The following SUCLG2 variants were observed in gnomAD, a reference collection of about 807,000 sequenced individuals.
SUCLG2 encodes the protein succinate--CoA ligase [GDP-forming] subunit beta, mitochondrial.
A neutral mutation model predicts 47.9 loss-of-function variants in SUCLG2; 42 were observed. That is an observed-to-expected ratio of 0.88 (90% CI 0.69 to 1.14). The LOEUF is 1.14. Ranked by LOEUF, SUCLG2 falls within the 50% of genes most tolerant of loss-of-function variation. The pLI is 0.00. For synonymous variants in SUCLG2, 195 were observed against 197.3 expected, an observed-to-expected ratio of 0.99 and a Z score of 0.10; for missense variants, 571 against 525.9, an observed-to-expected ratio of 1.09 and a Z score of -0.84.
chr3:67,556,089 T>C (rs377341428), intron 2 of SUCLG2, among the ~76,000 whole-genome samples: 1 of 152,188 alleles, frequency 6.6e-6, no homozygotes, highest in African/African-American at 2.4e-5. Context: ...AGACCTGACT[T>C]TTTTTTAAAA....
At chr3:67,406,430 T>C (rs1489084046) in intron 9 of SUCLG2, among the ~76,000 whole-genome samples, 1 of 152,060 alleles carries the variant, frequency 6.6e-6, no homozygotes, top group African/African-American at 2.4e-5. Flanking sequence ...CCTATGTGAG[T>C]AGCAGGACAG....
intron 2 of SUCLG2, among the ~76,000 whole-genome samples, chr3:67,572,143 C>T (rs1576398): frequency 0.45 from 69,149 of 152,004 alleles, 16,623 homozygotes; most frequent in Admixed American, 0.54. Flanking sequence ...AGGTCAAATG[C>T]CTATCTATGC....
chr3:67,456,239 C>A (rs1042320504), intron 9 of SUCLG2, among the ~76,000 whole-genome samples: 1 of 152,192 alleles, frequency 6.6e-6, no homozygotes, highest in Non-Finnish European at 1.5e-5. Flanking sequence ...GCATAGGACT[C>A]TCTTCCTTTA....
intron 9 of SUCLG2, among the ~76,000 whole-genome samples, chr3:67,462,407 G>A (rs997211218): frequency 2.7e-4 from 41 of 152,182 alleles, no homozygotes; most frequent in African/African-American, 9.4e-4. Flanking sequence ...CAGTCTACTA[G>A]CATTAGATCA....
intron 10 of SUCLG2, among the ~76,000 whole-genome samples, chr3:67,363,648 A>G (rs944084054): frequency 6.6e-6 from 1 of 152,318 alleles, no homozygotes; most frequent in Non-Finnish European, 1.5e-5. Context: ...GTTCTGAGAG[A>G]TTTTTATTTC....
rs533577841 is a variant in SUCLG2 at position 67,398,051 on chromosome 3, T to C, written c.1183+2680A>G. ...GGATTAAAGACTTAAATGTTAGAAC[T>C]AAAACCATAAAAACCCTAGAAGAAA... On this transcript the variant is annotated intron_variant, in intron 10 of 10. Coordinates refer to ENST00000307227, the MANE Select transcript of SUCLG2 (RefSeq NM_003848.4). 2.0e-4 allele frequency among the ~76,000 whole-genome samples: 30 copies of C among 150,388 alleles called. 3 individuals carry two copies. Among genetic ancestry groups the C allele is most frequent in the Non-Finnish European group, 3.1e-4 (21 of 67,428 alleles).
chr3:67,376,017 G>C, intron 10 of SUCLG2, 158 bp from the exon 11 acceptor site: 1 of 985,470 alleles, frequency 1.0e-6, no homozygotes. Context: ...AAGATTATGT[G>C]ATGAAATTTA....
intron 2 of SUCLG2, among the ~76,000 whole-genome samples, chr3:67,559,443 G>A (rs1474564067): frequency 1.3e-5 from 2 of 152,130 alleles, no homozygotes; most frequent in African/African-American, 4.8e-5. Context: ...AGGAGAGAGA[G>A]ATAGCACAAG....
chr3:67,631,018 A>G (rs921507438), intron 1 of SUCLG2, among the ~76,000 whole-genome samples: 4 of 152,190 alleles, frequency 2.6e-5, no homozygotes, highest in African/African-American at 9.7e-5. Flanking sequence ...AAGAAGACCA[A>G]TGTCCTATAA....
At chr3:67,400,123 TA>T (rs1218479476) in intron 10 of SUCLG2, among the ~76,000 whole-genome samples, 1 of 152,170 alleles carries the variant, frequency 6.6e-6, no homozygotes, top group Non-Finnish European at 1.5e-5. Flanking sequence ...AAACATGTTA[TA>T]ACATTTTATG....
chr3:67,598,554 T>G (rs1188188502), intron 2 of SUCLG2, among the ~76,000 whole-genome samples: 1 of 152,168 alleles, frequency 6.6e-6, no homozygotes, highest in African/African-American at 2.4e-5. Flanking sequence ...TGTCCAGATT[T>G]ACAGAAACAC....
At chr3:67,408,498 T>C (rs1329678117) in intron 9 of SUCLG2, 8 of 493,586 alleles carry the variant, frequency 1.6e-5, no homozygotes, top group Non-Finnish European at 2.1e-5. Context: ...TCTGAACTGA[T>C]AGCATGGAAA....
chr3:67,645,149 T>G (rs1434121994), intron 1 of SUCLG2, among the ~76,000 whole-genome samples: 1 of 152,006 alleles, frequency 6.6e-6, no homozygotes. Flanking sequence ...ATAAAGAAAA[T>G]TTAGTATTTT....
chr3:67,382,059 G>A (rs1421796234), intron 10 of SUCLG2, among the ~76,000 whole-genome samples: 2 of 152,158 alleles, frequency 1.3e-5, no homozygotes, highest in African/African-American at 4.8e-5. Flanking sequence ...GAAATATGTA[G>A]AAACTGTAAT....
chr3:67,439,678 G>A (rs1448720244), intron 9 of SUCLG2, among the ~76,000 whole-genome samples: 1 of 152,186 alleles, frequency 6.6e-6, no homozygotes, highest in Non-Finnish European at 1.5e-5. Context: ...TAAAAGGGAT[G>A]TGAAGGACCT....
intron 10 of SUCLG2, among the ~76,000 whole-genome samples, chr3:67,397,769 A>G (rs1024291647): frequency 6.6e-6 from 1 of 152,232 alleles, no homozygotes; most frequent in Non-Finnish European, 1.5e-5. Flanking sequence ...AGTTGAAACT[A>G]TACTACAAGG....
intron 2 of SUCLG2, among the ~76,000 whole-genome samples, chr3:67,572,958 C>A (rs955732411): frequency 9.2e-5 from 14 of 151,802 alleles, no homozygotes; most frequent in African/African-American, 3.1e-4. Flanking sequence ...CATGAATAAA[C>A]AAGAAAAGGA....
chr3:67,638,912 G>C (rs1210575839), intron 1 of SUCLG2, among the ~76,000 whole-genome samples: 1 of 152,150 alleles, frequency 6.6e-6, no homozygotes, highest in Non-Finnish European at 1.5e-5. Context: ...TGATAACCTA[G>C]AGGAAGTCTA....
In SUCLG2 at chr3:67,394,813, C is replaced by T. The variant is rs1299640056; in HGVS notation, c.1183+5918G>A. Among the ~76,000 whole-genome samples, 14 of 152,000 alleles carry T rather than the reference C, an allele frequency of 9.2e-5. No homozygotes were observed. The East Asian group carries it at 1.2e-3, about 13-fold the overall frequency. Reference sequence around the variant, plus strand: ...CACAAAGGGAAGCCCATCAGACTAACAGCGGATCTCTCGGCAGAAACTCTA... The same window carrying T: ...CACAAAGGGAAGCCCATCAGACTAATAGCGGATCTCTCGGCAGAAACTCTA... On this transcript the variant is annotated intron_variant, in intron 10 of 10. Transcript: ENST00000307227.
Sources: allele counts gnomAD v4.1 joint callset (sites outside exome capture counted in the v4.1 genomes callset), GRCh38; gene constraint gnomAD v4.1.1; transcripts MANE v1.5; gene names NCBI Gene and HGNC (gene_info 2026-07-23, HGNC 2026-07-21).